The following NDUFAB1 variants were observed in gnomAD, a reference collection of about 807,000 sequenced individuals.
NDUFAB1 encodes acyl carrier protein, mitochondrial.
A neutral mutation model predicts 16.1 loss-of-function variants in NDUFAB1; 5 were observed. The ratio of observed to expected loss-of-function variants is 0.31; its 90% CI spans 0.16 to 0.65. The LOEUF is 0.65. NDUFAB1 is among the 30% of genes least tolerant of loss of function. NDUFAB1 has a pLI of 0.77. For synonymous variants in NDUFAB1, 85 were observed against 78.4 expected, an observed-to-expected ratio of 1.08 and a Z score of -0.44; for missense variants, 187 against 205.3, an observed-to-expected ratio of 0.91 and a Z score of 0.54.
At chr16:23,596,015 C>A (rs1323886593) in intron 1 of NDUFAB1, 108 bp downstream of exon 1, 3 of 1,355,984 alleles carry the variant, frequency 2.2e-6, no homozygotes, top group Admixed American at 5.5e-5. Flanking sequence ...CGGCTGCCCC[C>A]CGGGTCACCC....
chr16:23,591,906 TG>T (rs1966283516), intron 1 of NDUFAB1, among the ~76,000 whole-genome samples: 1 of 152,226 alleles, frequency 6.6e-6, no homozygotes, highest in Non-Finnish European at 1.5e-5. Context: ...ACTTTACCTG[TG>T]TGCCAAGAAC....
intron 1 of NDUFAB1, among the ~76,000 whole-genome samples, 199 bp downstream of exon 1, chr16:23,595,924 C>A (rs1206389382): frequency 6.6e-6 from 1 of 152,226 alleles, no homozygotes; most frequent in East Asian, 1.9e-4. Context: ...AGTCAGTGCT[C>A]TTGCTCGTTA....
intron 2 of NDUFAB1, among the ~76,000 whole-genome samples, chr16:23,586,053 G>A (rs906175710): frequency 6.6e-5 from 10 of 151,226 alleles, no homozygotes; most frequent in Admixed American, 5.3e-4. Flanking sequence ...TCAGACTCCC[G>A]AGTAGCTGGG....
intron 1 of NDUFAB1, among the ~76,000 whole-genome samples, chr16:23,588,525 G>A (rs936621211): frequency 3.3e-5 from 5 of 152,186 alleles, no homozygotes; most frequent in Non-Finnish European, 7.3e-5. Context: ...TTTTAAGTCC[G>A]AGGCTTGGCG....
chr16:23,585,290 A>G, intron 3 of NDUFAB1, 46 bp downstream of exon 3: 1 of 1,371,954 alleles, frequency 7.3e-7, no homozygotes, highest in South Asian at 1.2e-5. Flanking sequence ...AGTTTAATCC[A>G]CCTTAATCAA....
At chr16:23,591,387 T>C (rs1256059883) in intron 1 of NDUFAB1, among the ~76,000 whole-genome samples, 3 of 152,274 alleles carry the variant, frequency 2.0e-5, no homozygotes, top group East Asian at 3.9e-4. Context: ...GGTACTCCAC[T>C]GGGGCTCACT....
At chr16:23,583,740 C>T (rs1447161706) in intron 3 of NDUFAB1, among the ~76,000 whole-genome samples, 5 of 151,536 alleles carry the variant, frequency 3.3e-5, no homozygotes, top group Non-Finnish European at 5.9e-5. Flanking sequence ...CGCCCGGCAG[C>T]CGCCCCGTCA....
At chr16:23,583,222 C>T (rs919912990) in intron 3 of NDUFAB1, among the ~76,000 whole-genome samples, 1 of 152,242 alleles carries the variant, frequency 6.6e-6, no homozygotes, top group East Asian at 1.9e-4. Flanking sequence ...AGATTGCAGC[C>T]TCTGCCTGGC....
intron 1 of NDUFAB1, 68 bp from the exon 2 acceptor site, chr16:23,587,387 T>C (rs934196876): frequency 2.9e-5 from 45 of 1,570,360 alleles, no homozygotes; most frequent in Admixed American, 3.8e-5. Context: ...TGCACAAGCC[T>C]ATAGGTAACT....
At chr16:23,593,053 G>C (rs887031506) in intron 1 of NDUFAB1, among the ~76,000 whole-genome samples, 1 of 152,176 alleles carries the variant, frequency 6.6e-6, no homozygotes, top group Non-Finnish European at 1.5e-5. Context: ...CCCAGCACTT[G>C]GGAGGCTGAG....
chr16:23,593,856 ATTT>A (rs1000572591), intron 1 of NDUFAB1, among the ~76,000 whole-genome samples: 5 of 118,884 alleles, frequency 4.2e-5, no homozygotes, highest in African/African-American at 1.6e-4. Context: ...ACCCTTATTT[ATTT>A]ATTTATTTAT....
In NDUFAB1 at chr16:23,582,343, A is replaced by G; in HGVS notation, c.412T>C (p.Leu138=). ...FEIPDIDAEK[L]MCPQEIVDYI... is the part of the protein sequence containing the mutation. ...TCTACAATTTCTTGTGGACACATTA[A>G]CTTTTCAGCATCTATATCAGGAATT... is the stretch of plus-strand genomic sequence containing the variant. Residue 138 remains leucine (L), a synonymous_variant, in exon 4 of 5, where the codon TTA becomes CTA. Transcript: ENST00000007516. 6.3e-7 allele frequency: 1 copy of G among 1,581,606 alleles called. No homozygotes were observed. Among genetic ancestry groups the G allele is most frequent in the South Asian group, 1.2e-5 (1 of 84,874 alleles).
intron 1 of NDUFAB1, among the ~76,000 whole-genome samples, chr16:23,592,567 C>T (rs1298125329): frequency 6.6e-6 from 1 of 152,112 alleles, no homozygotes; most frequent in Non-Finnish European, 1.5e-5. Context: ...TCTTCATCTG[C>T]GTACCATGCC....
chr16:23,587,145 G>T, intron 2 of NDUFAB1, 52 bp downstream of exon 2: 1 of 1,529,804 alleles, frequency 6.5e-7, no homozygotes, highest in Non-Finnish European at 9.0e-7. Context: ...TTTCTAGCAT[G>T]TAATTAAATA....
chr16:23,585,559 C>T (rs146896214), intron 2 of NDUFAB1, 136 bp from the exon 3 acceptor site: 19 of 637,690 alleles, frequency 3.0e-5, no homozygotes, highest in Middle Eastern at 3.5e-4. Context: ...ATGTGCACAA[C>T]GTGCAGGTTT....
At chr16:23,582,120 C>A (rs112510953) in intron 4 of NDUFAB1, 156 bp downstream of exon 4, 11,694 of 828,632 alleles carry the variant, frequency 0.014, 121 homozygotes, top group Middle Eastern at 0.026. Flanking sequence ...CAGGGCTGGG[C>A]CCCTTTGAGT....
intron 3 of NDUFAB1, among the ~76,000 whole-genome samples, chr16:23,583,956 AC>A (rs1304032322): frequency 6.6e-6 from 1 of 151,490 alleles, no homozygotes; most frequent in African/African-American, 2.4e-5. Context: ...CTATGACCTT[AC>A]CCCCAACCCG....
In NDUFAB1 at chr16:23,596,283, G is replaced by A. The variant is rs764039851; in HGVS notation, c.8C>T (p.Ser3Phe). Residue 3 changes from serine to phenylalanine, a missense_variant, in exon 1 of 5, where the codon TCT (serine) becomes TTT (phenylalanine). Transcript: ENST00000007516. MA[S>F]RVLSAYVSRL... Reference sequence around the variant, plus strand: ...GCTGACATAGGCTGAAAGGACACGAGACGCCATGGCTACGCCAACCCAGGA... The same window carrying A: ...GCTGACATAGGCTGAAAGGACACGAAACGCCATGGCTACGCCAACCCAGGA... The A allele has an allele frequency of 2.0e-5, 31 of 1,564,920 alleles. No homozygotes were observed. The highest frequency in any genetic ancestry group is 2.8e-5 in the African/African-American group (2 of 72,194).
chr16:23,587,124 TC>T (rs1425310734), intron 2 of NDUFAB1, 72 bp downstream of exon 2: 1 of 1,464,832 alleles, frequency 6.8e-7, no homozygotes, highest in Non-Finnish European at 9.4e-7. Context: ...TGAGTATCTT[TC>T]CCTTTGCATT....
Sources: gnomAD v4.1 joint callset for allele counts (sites outside exome capture counted in the v4.1 genomes callset) on GRCh38, gnomAD v4.1.1 for gene constraint, MANE v1.5 for transcripts, NCBI Gene and HGNC (gene_info 2026-07-23, HGNC 2026-07-21) for gene names.